Variants in NUP153 observed in about 807,000 individuals in gnomAD.
The protein encoded by NUP153 is nucleoporin 153, also known as nuclear pore complex protein Nup153.
Under a neutral mutation model 134.6 loss-of-function variants are expected in NUP153, and 27 were observed. The observed-to-expected ratio is 0.20, with a 90% CI of 0.15 to 0.28. The LOEUF (loss-of-function observed/expected upper bound fraction) is 0.28, where lower values mean the gene tolerates loss of function less well. Among genes scored for constraint, NUP153 ranks in the 10% least tolerant of loss-of-function variants. The probability of loss-of-function intolerance (pLI) is 1.00; values close to 1 mark genes in which losing one functional copy is unlikely to be tolerated. For missense variants in NUP153, 1,821 were observed against 1,731.3 expected, an observed-to-expected ratio of 1.05 and a Z score of -0.92; for synonymous variants, 640 against 623.5, an observed-to-expected ratio of 1.03 and a Z score of -0.40.
At chr6:17,705,585 T>TG (rs200771105) in intron 1 of NUP153, among the ~76,000 whole-genome samples, 5,185 of 39,352 alleles carry the variant, frequency 0.13, 202 homozygotes, top group East Asian at 0.4. Context: ...GTGGCGGTGT[T>TG]GGGGGGGGGG....
chr6:17,681,001 G>A (rs1359861811), intron 2 of NUP153, among the ~76,000 whole-genome samples: 1 of 152,030 alleles, frequency 6.6e-6, no homozygotes, highest in Admixed American at 6.5e-5. Context: ...CAATAGCCAA[G>A]ATACGGAATT....
rs1280416901 is a variant in NUP153, at chr6:17,695,003, G to C, written c.112-6385C>G. On this transcript the variant is annotated intron_variant, in intron 1 of 21. Transcript: ENST00000262077. Reference sequence around the variant, plus strand: ...CAAGGAAAAAAAAAAAGAGAGAGTGGGAAGTACTATGGACTGAACGAACAA... The same window carrying C: ...CAAGGAAAAAAAAAAAGAGAGAGTGCGAAGTACTATGGACTGAACGAACAA... Among the ~76,000 whole-genome samples the C allele has an allele frequency of 2.6e-5, 4 of 151,994 alleles. No individual in the cohort carries two copies. In the East Asian group the frequency reaches 7.7e-4, roughly 29 times the overall value.
intron 20 of NUP153, among the ~76,000 whole-genome samples, chr6:17,618,431 A>C (rs192843207): frequency 3.9e-5 from 6 of 152,290 alleles, no homozygotes; most frequent in Admixed American, 3.3e-4. Context: ...TCTGAACTCC[A>C]TATCTTTAAT....
At chr6:17,678,088 G>A (rs1247095158) in intron 2 of NUP153, among the ~76,000 whole-genome samples, 1 of 152,012 alleles carries the variant, frequency 6.6e-6, no homozygotes, top group Non-Finnish European at 1.5e-5. Flanking sequence ...GGGCACAGTG[G>A]TTCACACCTG....
At chr6:17,618,801 C>T (rs1054492979) in intron 20 of NUP153, among the ~76,000 whole-genome samples, 39 of 152,068 alleles carry the variant, frequency 2.6e-4, no homozygotes, top group Non-Finnish European at 4.4e-4. Context: ...ATCCTGACCT[C>T]GTGATCTGCC....
chr6:17,697,524 A>T (rs1470987683), intron 1 of NUP153, among the ~76,000 whole-genome samples: 4 of 152,142 alleles, frequency 2.6e-5, no homozygotes, highest in Non-Finnish European at 5.9e-5. Context: ...TGTCTCCATT[A>T]AAAAATGCAA....
At chr6:17,697,031 A>C (rs998783196) in intron 1 of NUP153, among the ~76,000 whole-genome samples, 2 of 151,872 alleles carry the variant, frequency 1.3e-5, no homozygotes, top group African/African-American at 4.8e-5. Flanking sequence ...AGATCACACC[A>C]CTGCACTCCA....
At chr6:17,686,719 A>T (rs562075823) in intron 2 of NUP153, among the ~76,000 whole-genome samples, 178 of 151,932 alleles carry the variant, frequency 1.2e-3, no homozygotes, top group Middle Eastern at 3.4e-3. Context: ...GAAAAAAAAA[A>T]TTTTTTAAGT....
chr6:17,675,097 G>A lies in NUP153; in HGVS notation c.724-64C>T. On this transcript the variant is annotated intron_variant, in intron 4 of 21. Transcript: ENST00000262077. This position sits in a 1 kb window ranked among gnomAD's most constrained non-coding sequence, Gnocchi z 4.4. The stretch of plus-strand genomic sequence containing the variant: ...ACCCAGGAGGTGGAGGTTGCAGTGA[G>A]TTAAGATCATGCTGCTACACACTCA... The A allele has an allele frequency of 6.3e-7, 1 of 1,585,066 alleles. No individual in the cohort carries two copies. Among genetic ancestry groups the A allele is most frequent in the Admixed American group, 1.7e-5 (1 of 57,636 alleles).
chr6:17,637,770 C>G lies in NUP153; in HGVS notation c.1847G>C (p.Gly616Ala), dbSNP rs772458556. Residue 616 changes from glycine to alanine, a missense_variant and splice_region_variant, in exon 16 of 22, where the codon GGT (glycine) becomes GCT (alanine). Gly to Ala is a moderately conservative substitution (Grantham distance 60). Transcript: ENST00000262077. The stretch of plus-strand genomic sequence containing the variant: ...AGAATCTATCTTCGGCGATGCGAAA[C>G]CTACAATGAACGAAGGAGAGAGTGC... The part of the protein sequence containing the change: ...GSVLDILKSP[G>A]FASPKIDSVA... The G allele has an allele frequency of 5.6e-6, 9 of 1,593,890 alleles. No homozygotes were observed. The highest frequency in any genetic ancestry group is 1.1e-5 in the South Asian group (1 of 90,546).
At chr6:17,616,239 G>T in intron 21 of NUP153, 58 bp from the exon 22 acceptor site, 2 of 827,278 alleles carry the variant, frequency 2.4e-6, no homozygotes, top group Non-Finnish European at 3.6e-6. Flanking sequence ...ATTTCCAAAT[G>T]CTAACATTTA....
chr6:17,684,420 C>T (rs897901827), intron 2 of NUP153, among the ~76,000 whole-genome samples: 3 of 152,182 alleles, frequency 2.0e-5, no homozygotes, highest in African/African-American at 2.4e-5. Context: ...TTATCATCTC[C>T]CTCAGACTTC....
intron 2 of NUP153, among the ~76,000 whole-genome samples, chr6:17,681,345 G>A (rs924436868): frequency 1.3e-5 from 2 of 152,174 alleles, no homozygotes; most frequent in African/African-American, 2.4e-5. Flanking sequence ...CTAGCACTTT[G>A]GGAGGCCGAG....
rs772250481 is a variant in NUP153 at position 17,629,323 on chromosome 6, A to C, written c.2876T>G (p.Phe959Cys). Residue 959 changes from phenylalanine to cysteine, a missense_variant, in exon 18 of 22, where the codon TTT becomes TGT. Physicochemically the swap from Phe to Cys is radical, Grantham distance 205. Transcript: ENST00000262077. Reference sequence around the variant, plus strand: ...AGATTCAGATGAAACTCCAAATTTAAAATCTCCTATTGGTTTAGAAAATTT... The same window carrying C: ...AGATTCAGATGAAACTCCAAATTTACAATCTCCTATTGGTTTAGAAAATTT... ...GFKFSKPIGD[F>C]KFGVSSESKP... 8 of 1,607,170 alleles carry C rather than the reference A, an allele frequency of 5.0e-6. No individual in the cohort carries two copies. In the South Asian group the frequency reaches 5.6e-5, roughly 11 times the overall value.
rs1764294635 is a variant in NUP153 at position 17,616,013 on chromosome 6, A to G, written c.*84T>C. The G allele has an allele frequency of 2.0e-6, 2 of 988,284 alleles. No individual in the cohort carries two copies. Among genetic ancestry groups the G allele is most frequent in the South Asian group, 1.5e-5 (1 of 68,652 alleles). The allele number at this position is 988,284 out of a possible 1,614,324, so 61.2% of individuals were successfully genotyped here. On this transcript the variant is annotated 3_prime_UTR_variant, in exon 22 of 22. Coordinates refer to ENST00000262077, the MANE Select transcript of NUP153 (RefSeq NM_005124.4). ...AGTCCTTAGGCAGATCTGACTTCAG[A>G]TAACCCCAGCACAAAGTACAATCCA...
At chr6:17,619,437 G>T (rs1297756707) in intron 20 of NUP153, 2 of 152,142 alleles carry the variant, frequency 1.3e-5, no homozygotes, top group African/African-American at 4.8e-5. Flanking sequence ...CAAAAGAATG[G>T]TAAAAAGAGG....
chr6:17,690,866 G>A (rs1769230154), intron 1 of NUP153, among the ~76,000 whole-genome samples: 2 of 152,116 alleles, frequency 1.3e-5, no homozygotes, highest in Admixed American at 1.3e-4. Flanking sequence ...GTAGCCGGGC[G>A]TGGTGGCTCA....
At chr6:17,618,911 A>C (rs1372805960) in intron 20 of NUP153, among the ~76,000 whole-genome samples, 1 of 152,220 alleles carries the variant, frequency 6.6e-6, no homozygotes, top group Non-Finnish European at 1.5e-5. Flanking sequence ...AAATCTGAGA[A>C]AGTATGACAC....
intron 20 of NUP153, among the ~76,000 whole-genome samples, chr6:17,617,977 A>G (rs1280274991): frequency 6.6e-6 from 1 of 152,214 alleles, no homozygotes; most frequent in Non-Finnish European, 1.5e-5. Context: ...AAGGGCAAGA[A>G]TATCATTTTG....
Sources: gnomAD v4.1 joint callset for allele counts (sites outside exome capture counted in the v4.1 genomes callset) on GRCh38, gnomAD v4.1.1 for gene constraint, Gnocchi (gnomAD v3.1) non-coding constraint, MANE v1.5 for transcripts, NCBI Gene and HGNC (gene_info 2026-07-23, HGNC 2026-07-21) for gene names.